The following CCDC102B variants were observed in gnomAD, a reference collection of about 807,000 sequenced individuals.
CCDC102B encodes the protein coiled-coil domain-containing protein 102B.
In CCDC102B, 75 loss-of-function variants were observed where a neutral mutation model predicts 57.4. The observed-to-expected ratio is 1.31, with a 90% confidence interval of 1.08 to 1.58. The LOEUF is 1.58. Ranked by LOEUF, CCDC102B falls within the 40% of genes most tolerant of loss-of-function variation. The pLI is 0.00. For synonymous variants in CCDC102B, 206 were observed against 201.9 expected, an observed-to-expected ratio of 1.02 and a Z score of -0.17; for missense variants, 636 against 582.6, an observed-to-expected ratio of 1.09 and a Z score of -0.94.
At chr18:68,986,262 G>C (rs906790991) in intron 6 of CCDC102B, among the ~76,000 whole-genome samples, 1 of 152,038 alleles carries the variant, frequency 6.6e-6, no homozygotes, top group African/African-American at 2.4e-5. Context: ...CAGCAAAACT[G>C]AATCCAGCAG....
intron 5 of CCDC102B, among the ~76,000 whole-genome samples, chr18:68,877,221 G>A (rs2039483934): frequency 6.6e-6 from 1 of 152,136 alleles, no homozygotes; most frequent in Admixed American, 6.5e-5. Flanking sequence ...AGATAAAGAA[G>A]AGCTCAATGA....
At chr18:68,989,442 T>A (rs2050806869) in intron 6 of CCDC102B, among the ~76,000 whole-genome samples, 1 of 152,240 alleles carries the variant, frequency 6.6e-6, no homozygotes, top group Admixed American at 6.5e-5. Flanking sequence ...CTGTGATATC[T>A]TTTTCATATT....
intron 1 of CCDC102B, among the ~76,000 whole-genome samples, chr18:68,827,036 G>A (rs575427874): frequency 1.3e-4 from 19 of 151,878 alleles, no homozygotes; most frequent in South Asian, 6.2e-4. Context: ...ACATTTTTAA[G>A]TGTTGAAAAA....
intron 4 of CCDC102B, among the ~76,000 whole-genome samples, chr18:68,853,100 G>A (rs974452082): frequency 6.6e-6 from 1 of 152,114 alleles, no homozygotes; most frequent in Non-Finnish European, 1.5e-5. Flanking sequence ...GGAAATATTT[G>A]TGATCTTGCC....
At chr18:68,895,606 A>G (rs1400691030) in intron 5 of CCDC102B, among the ~76,000 whole-genome samples, 2 of 151,798 alleles carry the variant, frequency 1.3e-5, no homozygotes, top group Admixed American at 6.6e-5. Context: ...AGATATTTTT[A>G]AAATGCCTCA....
intron 1 of CCDC102B, among the ~76,000 whole-genome samples, chr18:68,835,987 C>T (rs941525167): frequency 6.6e-6 from 1 of 152,170 alleles, no homozygotes; most frequent in Non-Finnish European, 1.5e-5. Flanking sequence ...GACTATGATT[C>T]AACCTCTGGG....
At chr18:68,817,825 ATGAAATTCTCCTTATC>A (rs1293867237) in intron 1 of CCDC102B, among the ~76,000 whole-genome samples, 5 of 152,270 alleles carry the variant, frequency 3.3e-5, no homozygotes, top group Middle Eastern at 3.4e-3. Flanking sequence ...ATATTTGATA[ATGAAATTCTCCTTATC>A]TGAACATAAT....
At chr18:69,007,608 C>T (rs1008307431) in intron 6 of CCDC102B, among the ~76,000 whole-genome samples, 4 of 152,194 alleles carry the variant, frequency 2.6e-5, no homozygotes, top group African/African-American at 9.7e-5. Context: ...AAACCCACAG[C>T]TTCTGGGCTC....
Position 68,790,531 on chromosome 18 carries a change from G to C in CCDC102B, c.-66-32835G>C, listed in dbSNP as rs188875069. 6.6e-3 allele frequency among the ~76,000 whole-genome samples: 1,006 copies of C among 152,272 alleles called. 4 individuals carry two copies. The highest frequency in any genetic ancestry group is 0.011 in the Non-Finnish European group (729 of 68,024). ...AGCCAGGGCGGGATATAATCTCGTG[G>C]TGCGCCGTTTTTCAAGCCCGTCGGA... On this transcript the variant is annotated intron_variant, in intron 2 of 3. Coordinates refer to the CCDC102B transcript ENST00000578970.
Position 68,759,731 on chromosome 18 carries a change from G to A in CCDC102B, c.-67+43137G>A, listed in dbSNP as rs573389256. On this transcript the variant is annotated intron_variant, in intron 2 of 3. Coordinates refer to the CCDC102B transcript ENST00000578970. The stretch of plus-strand genomic sequence containing the variant: ...TTTTGCCAAAATGAGGGAGTAAACC[G>A]AAAGAGAAAACAGGATATCCAATAC... Among the ~76,000 whole-genome samples the A allele has an allele frequency of 2.6e-5, 4 of 152,052 alleles. No individual in the cohort carries two copies. In the East Asian group the frequency reaches 5.8e-4, roughly 22 times the overall value.
intron 7 of CCDC102B, among the ~76,000 whole-genome samples, chr18:69,027,360 A>C (rs1424089859): frequency 1.3e-5 from 2 of 152,124 alleles, no homozygotes; most frequent in Non-Finnish European, 2.9e-5. Context: ...AAACTATCTA[A>C]AGCACATTTT....
chr18:68,751,366 T>C (rs887383738), intron 2 of CCDC102B, among the ~76,000 whole-genome samples: 1 of 152,202 alleles, frequency 6.6e-6, no homozygotes, highest in African/African-American at 2.4e-5. Context: ...CATGCCTGAA[T>C]GAAGCTTATT....
chr18:69,005,356 T>C (rs2051313343), intron 6 of CCDC102B, among the ~76,000 whole-genome samples: 1 of 152,186 alleles, frequency 6.6e-6, no homozygotes, highest in African/African-American at 2.4e-5. Context: ...AAATCGTATG[T>C]TACATATACT....
chr18:68,795,428 G>T (rs1282868792), upstream of CCDC102B, among the ~76,000 whole-genome samples: 2 of 152,142 alleles, frequency 1.3e-5, no homozygotes, highest in African/African-American at 4.8e-5. Flanking sequence ...TCACAAGTTT[G>T]TGGCTTAAAA....
At chr18:68,811,054 T>G (rs962424946) in intron 1 of CCDC102B, among the ~76,000 whole-genome samples, 4 of 152,178 alleles carry the variant, frequency 2.6e-5, no homozygotes, top group African/African-American at 7.2e-5. Context: ...CTGCATAGTA[T>G]TCCATGGTGT....
chr18:68,897,676 A>C (rs1439522016), intron 6 of CCDC102B: 1 of 1,387,258 alleles, frequency 7.2e-7, no homozygotes, highest in Non-Finnish European at 9.6e-7. Flanking sequence ...GGAAGAAGAA[A>C]AATGAAGTAA....
At chr18:68,977,885 C>T (rs2050480801) in intron 6 of CCDC102B, among the ~76,000 whole-genome samples, 1 of 151,972 alleles carries the variant, frequency 6.6e-6, no homozygotes, top group Non-Finnish European at 1.5e-5. Flanking sequence ...TTGGCTAGAT[C>T]AGCCCATATG....
chr18:68,913,344 G>GTGTGTGTGTGTGTGTGTGT (rs1555725389), intron 6 of CCDC102B, among the ~76,000 whole-genome samples: 2 of 150,094 alleles, frequency 1.3e-5, no homozygotes, highest in Non-Finnish European at 3.0e-5. Flanking sequence ...GTGTGTGTGT[G>GTGTGTGTGTGTGTGTGTGT]GTCCTACTTT....
intron 4 of CCDC102B, among the ~76,000 whole-genome samples, chr18:68,852,517 C>G (rs997442116): frequency 2.0e-5 from 3 of 152,132 alleles, no homozygotes; most frequent in African/African-American, 7.2e-5. Flanking sequence ...TTCTAGATTA[C>G]TTATAATTCC....
Sources: gnomAD v4.1 joint callset for allele counts (sites outside exome capture counted in the v4.1 genomes callset) on GRCh38, gnomAD v4.1.1 for gene constraint, MANE v1.5 for transcripts, NCBI Gene and HGNC (gene_info 2026-07-23, HGNC 2026-07-21) for gene names.